The following SUSD1 variants were observed in gnomAD, a reference collection of about 807,000 sequenced individuals.
SUSD1 encodes sushi domain containing 1.
A neutral mutation model predicts 86.9 loss-of-function variants in SUSD1; 65 were observed. The observed-to-expected ratio is 0.75, with a 90% confidence interval of 0.61 to 0.92. The LOEUF (loss-of-function observed/expected upper bound fraction) is 0.92, where lower values mean the gene tolerates loss of function less well. SUSD1 is among the 40% of genes least tolerant of loss of function. The pLI, the probability that SUSD1 is intolerant of heterozygous loss-of-function variation, is 0.00. For missense variants in SUSD1, 850 were observed against 929.7 expected (o/e 0.91, Z 1.11); for synonymous variants, 346 against 350.0 (o/e 0.99, Z 0.13).
chr9:112,067,316 G>T (rs1280560817), intron 12 of SUSD1, among the ~76,000 whole-genome samples: 1 of 152,254 alleles, frequency 6.6e-6, no homozygotes, highest in African/African-American at 2.4e-5. Context: ...AAGAGCAACG[G>T]GCCTGTGGTG....
rs144409140 is a variant in SUSD1, at chr9:112,108,853, T to C, written c.1171+2801A>G. Among the ~76,000 whole-genome samples, 168 of 65,370 alleles carry C rather than the reference T, an allele frequency of 2.6e-3. 2 individuals are homozygous for C. The highest frequency in any genetic ancestry group is 9.2e-3 in the African/African-American group (158 of 17,256). The allele number at this position is 65,370 out of a possible 152,430, so 42.9% of individuals were successfully genotyped here. On this transcript the variant is annotated intron_variant, in intron 8 of 16. Coordinates refer to ENST00000374270, the MANE Select transcript of SUSD1 (RefSeq NM_022486.5). ...AGAGAGAAACATGGAGAAGGAAAAA[T>C]AAAAACAAGAGGAGAAATTAGTGAG...
At chr9:112,174,454 G>A (rs1374365025) in intron 1 of SUSD1, among the ~76,000 whole-genome samples, 1 of 152,160 alleles carries the variant, frequency 6.6e-6, no homozygotes, top group Non-Finnish European at 1.5e-5. Context: ...GCATTTTGCA[G>A]AGGAGGAAAA....
chr9:112,082,604 G>A (rs937421754), intron 10 of SUSD1, among the ~76,000 whole-genome samples: 45 of 151,522 alleles, frequency 3.0e-4, no homozygotes, highest in Non-Finnish European at 2.6e-4. Flanking sequence ...GATACCCCCC[G>A]CCCCTGAAGA....
chr9:112,085,583 T>G (rs969478516), intron 10 of SUSD1, among the ~76,000 whole-genome samples: 3 of 152,204 alleles, frequency 2.0e-5, no homozygotes, highest in African/African-American at 7.2e-5. Flanking sequence ...TACCTATACT[T>G]CCTGTTAAAA....
intron 7 of SUSD1, chr9:112,112,097 A>G: frequency 2.9e-6 from 1 of 349,018 alleles, no homozygotes; most frequent in Non-Finnish European, 5.2e-6. Flanking sequence ...GACAATTGCA[A>G]CCTGAGGACC....
chr9:112,167,555 G>C (rs1204086050), intron 1 of SUSD1, among the ~76,000 whole-genome samples: 4 of 152,222 alleles, frequency 2.6e-5, no homozygotes. Flanking sequence ...ATTATTGTTA[G>C]AAACAGTCTG....
In SUSD1 at chr9:112,067,323, G is replaced by A. The variant is rs146710809; in HGVS notation, c.1754-4290C>T. ...ATGGCTGGAAGAGCAACGGGCCTGT[G>A]GTGACACCACGTGTGACTGAAGCTT... On this transcript the variant is annotated intron_variant, in intron 12 of 16. Transcript: ENST00000374270. 3.0e-3 allele frequency among the ~76,000 whole-genome samples: 450 copies of A among 152,388 alleles called. 2 individuals are homozygous for A. The highest frequency in any genetic ancestry group is 0.01 in the African/African-American group (424 of 41,582).
chr9:112,111,490 G>A (rs1326712771), intron 8 of SUSD1, among the ~76,000 whole-genome samples, 164 bp downstream of exon 8: 5 of 152,124 alleles, frequency 3.3e-5, no homozygotes, highest in Admixed American at 1.3e-4. Context: ...AAGAGGATAC[G>A]GATCTCTTGA....
chr9:112,111,988 T>C, intron 7 of SUSD1, 148 bp from the exon 8 acceptor site: 1 of 738,254 alleles, frequency 1.4e-6, no homozygotes, highest in South Asian at 1.9e-5. Context: ...GGTCTGCTGA[T>C]AAAGTCTGAT....
At chr9:112,168,774 CTAGA>C (rs1186536245) in intron 1 of SUSD1, among the ~76,000 whole-genome samples, 6 of 152,238 alleles carry the variant, frequency 3.9e-5, no homozygotes, top group African/African-American at 1.4e-4. Context: ...GGCCAAAAAT[CTAGA>C]CCCCATCTCT....
rs765388969 is a variant in SUSD1, at chr9:112,041,863, A to G, written c.2243+4T>C. 9 of 1,613,002 alleles carry G rather than the reference A, an allele frequency of 5.6e-6. No individual in the cohort carries two copies. The East Asian group carries it at 1.8e-4, about 32-fold the overall frequency. ...CATTTCTCAAAAATGACACCCTCAC[A>G]TACCACACCGCTGAGAAGGAGAGGA... On this transcript the variant is annotated splice_donor_region_variant and intron_variant, in intron 16 of 16. Coordinates refer to ENST00000374270, the MANE Select transcript of SUSD1 (RefSeq NM_022486.5).
chr9:112,172,948 G>A (rs1438772122), intron 1 of SUSD1, among the ~76,000 whole-genome samples: 2 of 152,158 alleles, frequency 1.3e-5, no homozygotes, highest in African/African-American at 4.8e-5. Flanking sequence ...TAAGGAGAGG[G>A]GGCTCAACCA....
At position 112,157,500 on chromosome 9, in the gene SUSD1, C is replaced by G; in HGVS notation, c.217G>C (p.Asp73His). ...ACTTAACCCAGAGTTCAGAACTTAC[C>G]AACACACTGAGTCCTCCCGTTCCCT... ...FVGNGRTQCV[D>H]KNECQFGATL... Residue 73 changes from aspartate (D) to histidine (H), a missense_variant and splice_region_variant, in exon 2 of 17, where the codon GAT becomes CAT. Asp to His is a moderately conservative substitution (Grantham distance 81). Coordinates refer to ENST00000374270, the MANE Select transcript of SUSD1 (RefSeq NM_022486.5). The G allele has an allele frequency of 6.2e-7, 1 of 1,609,750 alleles. No individual in the cohort carries two copies. The highest frequency in any genetic ancestry group is 1.1e-5 in the South Asian group (1 of 90,808).
At chr9:112,078,811 C>CTT (rs71496739) in intron 11 of SUSD1, 87 bp from the exon 12 acceptor site, 28,096 of 633,636 alleles carry the variant, frequency 0.044, 276 homozygotes, top group Middle Eastern at 0.055. Context: ...TTTTCTTTCT[C>CTT]TTTTTTTTTT....
At chr9:112,145,177 T>C (rs187378008) in intron 3 of SUSD1, among the ~76,000 whole-genome samples, 1 of 150,600 alleles carries the variant, frequency 6.6e-6, no homozygotes, top group African/African-American at 2.4e-5. Flanking sequence ...GACATTGGCA[T>C]AAAAACATCA....
At chr9:112,107,869 T>C (rs545493740) in intron 8 of SUSD1, among the ~76,000 whole-genome samples, 1 of 152,172 alleles carries the variant, frequency 6.6e-6, no homozygotes, top group East Asian at 1.9e-4. Context: ...ATGTTAAAAA[T>C]AAACAAAAAC....
intron 1 of SUSD1, among the ~76,000 whole-genome samples, chr9:112,170,710 T>TATATATATAGAGAGAGAG (rs758442726): frequency 1.1e-4 from 13 of 113,826 alleles, no homozygotes; most frequent in African/African-American, 3.4e-4. Context: ...TATATATATA[T>TATATATATAGAGAGAGAG]AGAGAGAGAG....
chr9:112,075,802 A>C (rs1829490212), intron 12 of SUSD1, among the ~76,000 whole-genome samples: 1 of 152,204 alleles, frequency 6.6e-6, no homozygotes. Flanking sequence ...AAATTGAAGC[A>C]GGGTAAGTAG....
At position 112,142,209 on chromosome 9, in the gene SUSD1, T is replaced by A. The variant is rs532432660; in HGVS notation, c.706+111A>T. The A allele has an allele frequency of 5.8e-5, 51 of 878,416 alleles. No individual in the cohort carries two copies. The African/African-American group carries it at 7.7e-4, about 13-fold the overall frequency. The allele number at this position is 878,416 out of a possible 1,614,324, so 54.4% of individuals were successfully genotyped here. On this transcript the variant is annotated intron_variant, in intron 5 of 16. Coordinates refer to ENST00000374270, the MANE Select transcript of SUSD1 (RefSeq NM_022486.5). Reference sequence around the variant, plus strand: ...AAAATCTATGAGAAACAAATAGGAATTTTAAAGGTTTACTTAACTCATTTA... The same window carrying A: ...AAAATCTATGAGAAACAAATAGGAAATTTAAAGGTTTACTTAACTCATTTA...
Sources: gnomAD v4.1 joint callset for allele counts (sites outside exome capture counted in the v4.1 genomes callset) on GRCh38, gnomAD v4.1.1 for gene constraint, MANE v1.5 for transcripts, NCBI Gene and HGNC (gene_info 2026-07-23, HGNC 2026-07-21) for gene names.